The following PSME3IP1 variants were observed in gnomAD, a reference collection of about 807,000 sequenced individuals.
PSME3IP1 encodes proteasome activator subunit 3 interacting protein 1, also known as PSME3-interacting protein.
Under a neutral mutation model 34.1 loss-of-function variants are expected in PSME3IP1, and 13 were observed. That is an observed-to-expected ratio of 0.38 (90% confidence interval 0.25 to 0.61). The LOEUF is 0.61. PSME3IP1 is among the 20% of genes least tolerant of loss of function. The probability of loss-of-function intolerance (pLI) is 0.60; values close to 1 mark genes in which losing one functional copy is unlikely to be tolerated. For missense variants in PSME3IP1, 237 were observed against 301.4 expected (o/e 0.79, Z 1.58); for synonymous variants, 93 against 114.3 (o/e 0.81, Z 1.19).
chr16:57,185,901 A>T lies in PSME3IP1; in HGVS notation c.-96T>A, dbSNP rs1192399635. On this transcript the variant is annotated 5_prime_UTR_variant, in exon 1 of 7. Transcript: ENST00000309137. Reference sequence around the variant, plus strand: ...GCCACCGCAGAGCCGCTCGCTCTTAAAAAAGAAAAAAAAATGAAAGGAAGA... The same window carrying T: ...GCCACCGCAGAGCCGCTCGCTCTTATAAAAGAAAAAAAAATGAAAGGAAGA... The T allele has an allele frequency of 1.0e-6, 1 of 985,244 alleles. No individual in the cohort carries two copies. The highest frequency in any genetic ancestry group is 1.2e-6 in the Non-Finnish European group (1 of 829,938). 61.0% of individuals were successfully genotyped at this position (985,244 alleles called of 1,614,324 possible). A position where few individuals can be genotyped will look rare whatever the true frequency, so the allele number is the denominator to read the frequency against.
Position 57,178,786 on chromosome 16 carries a change from T to C in PSME3IP1, c.-15-4917A>G, listed in dbSNP as rs923965278. 2.3e-5 allele frequency: 23 copies of C among 985,348 alleles called. No individual in the cohort carries two copies. The Admixed American group carries it at 7.4e-4, about 32-fold the overall frequency. The allele number at this position is 985,348 out of a possible 1,614,324, so 61.0% of individuals were successfully genotyped here. A position where few individuals can be genotyped will look rare whatever the true frequency, so the allele number is the denominator to read the frequency against. ...ATTTCAACTGATTAAAAATGGTCAC[T>C]TATCCTGCGAAAGCAGTACTTGATG... On this transcript the variant is annotated intron_variant, in intron 1 of 6. Transcript: ENST00000309137.
intron 6 of PSME3IP1, among the ~76,000 whole-genome samples, chr16:57,156,356 A>G (rs1002186676): frequency 1.3e-5 from 2 of 152,212 alleles, no homozygotes; most frequent in African/African-American, 2.4e-5. Flanking sequence ...ATGCACTAAC[A>G]CCTCATTTAC....
At position 57,154,369 on chromosome 16, in the gene PSME3IP1, T is replaced by C. The variant is rs755700823; in HGVS notation, c.686A>G (p.Asp229Gly). The change falls in exon 7 of 7, where the codon GAC becomes GGC. Residue 229 changes from aspartate (D) to glycine (G), a missense_variant. By Grantham distance (94) the Asp-to-Gly change is moderately conservative. Transcript: ENST00000309137. This position sits in a 1 kb window ranked among gnomAD's most constrained non-coding sequence, Gnocchi z 4.0. ...SGSSDSESSS[D>G]SEGTINATGK... ...GGTGGCATTGATGGTGCCTTCGCTG[T>C]CTGAGCTGGACTCGGAGTCGCTGCT... is the stretch of plus-strand genomic sequence containing the variant. 1 of 1,614,030 alleles carries C rather than the reference T, an allele frequency of 6.2e-7. No individual in the cohort carries two copies. Among genetic ancestry groups the C allele is most frequent in the South Asian group, 1.1e-5 (1 of 91,074 alleles).
At position 57,154,866 on chromosome 16, in the gene PSME3IP1, G is replaced by A. The variant is rs74427276; in HGVS notation, c.548-359C>T. On this transcript the variant is annotated intron_variant, in intron 6 of 6. Coordinates refer to ENST00000309137, the MANE Select transcript of PSME3IP1 (RefSeq NM_024946.4). This position sits in a 1 kb window ranked among gnomAD's most constrained non-coding sequence, Gnocchi z 4.0. ...TTGATTTCCCTGTGCTCACACAGCC[G>A]TGAGAATCTGAAAACAGATTAAGAG... 0.037 allele frequency among the ~76,000 whole-genome samples: 5,659 copies of A among 152,246 alleles called. 296 individuals are homozygous for A. Among genetic ancestry groups the A allele is most frequent in the East Asian group, 0.23 (1,171 of 5,176 alleles).
chr16:57,154,337 T>C lies in PSME3IP1; in HGVS notation c.718A>G (p.Ile240Val), dbSNP rs776836330. Residue 240 changes from isoleucine to valine, a missense_variant, in exon 7 of 7, where the codon ATT becomes GTT. By Grantham distance (29) the Ile-to-Val change is conservative. Coordinates refer to ENST00000309137, the MANE Select transcript of PSME3IP1 (RefSeq NM_024946.4). This position sits in a 1 kb window ranked among gnomAD's most constrained non-coding sequence, Gnocchi z 4.0. ...SEGTINATGK[I>V]VSSIFRTNTF... ...TTGGTTCGGAAGATGGAGGAGACAA[T>C]CTTTCCGGTGGCATTGATGGTGCCT... 6.2e-7 allele frequency: 1 copy of C among 1,613,878 alleles called. No homozygotes were observed. The highest frequency in any genetic ancestry group is 8.5e-7 in the Non-Finnish European group (1 of 1,179,986).
chr16:57,173,773 T>A lies in PSME3IP1; in HGVS notation c.82A>T (p.Arg28Trp), dbSNP rs754949848. The change falls in exon 2 of 7, where the codon AGG becomes TGG. Residue 28 changes from arginine (R) to tryptophan (W), a missense_variant. Physicochemically the swap from Arg to Trp is moderately radical, Grantham distance 101 (BLOSUM62 -3). Coordinates refer to ENST00000309137, the MANE Select transcript of PSME3IP1 (RefSeq NM_024946.4). Reference protein sequence around the residue: ...EAELDERRKRRQEEWEKVRKP... With the variant: ...EAELDERRKRWQEEWEKVRKP... ...CGAACTTTCTCCCATTCTTCTTGCC[T>A]CCTTTTGCGCCGTTCATCTAGTTCT... 7 of 1,614,156 alleles carry A rather than the reference T, an allele frequency of 4.3e-6. No homozygotes were observed. The highest frequency in any genetic ancestry group is 5.9e-6 in the Non-Finnish European group (7 of 1,180,026).
At chr16:57,170,332 C>T (rs1386742365) in intron 4 of PSME3IP1, among the ~76,000 whole-genome samples, 1 of 152,212 alleles carries the variant, frequency 6.6e-6, no homozygotes, top group African/African-American at 2.4e-5. Context: ...ATCCTCCTGC[C>T]TCGGCCTCCC....
chr16:57,182,032 G>T (rs1386737940), intron 1 of PSME3IP1, among the ~76,000 whole-genome samples: 1 of 152,136 alleles, frequency 6.6e-6, no homozygotes, highest in Admixed American at 6.5e-5. Flanking sequence ...CCAGAGGTTG[G>T]ACATTGGTTG....
chr16:57,177,278 C>G (rs1433722593), intron 1 of PSME3IP1, among the ~76,000 whole-genome samples: 1 of 151,952 alleles, frequency 6.6e-6, no homozygotes, highest in Admixed American at 6.6e-5. Flanking sequence ...GCCTCCTGGG[C>G]TCAAGCAGTT....
At position 57,152,715 on chromosome 16, in the gene PSME3IP1, G is replaced by A. The variant is rs1355182931; in HGVS notation, c.*1575C>T. On this transcript the variant is annotated 3_prime_UTR_variant, in exon 7 of 7. Coordinates refer to ENST00000309137, the MANE Select transcript of PSME3IP1 (RefSeq NM_024946.4). ...ACAATGAAGCAGAGAAGCAGAAGGT[G>A]CCTACAAAGTTTTACCTAAATGTCT... 6.5e-6 allele frequency: 1 copy of A among 152,686 alleles called. No individual in the cohort carries two copies. The highest frequency in any genetic ancestry group is 1.5e-5 in the Non-Finnish European group (1 of 68,052). The allele number at this position is 152,686 out of a possible 1,614,324, so 9.5% of individuals were successfully genotyped here.
chr16:57,160,814 T>C (rs539232998), intron 6 of PSME3IP1, among the ~76,000 whole-genome samples: 4 of 152,310 alleles, frequency 2.6e-5, no homozygotes, highest in Admixed American at 6.5e-5. Flanking sequence ...AATGAAAGTA[T>C]GAAAACAGTA....
intron 6 of PSME3IP1, among the ~76,000 whole-genome samples, chr16:57,158,835 T>C (rs1468972176): frequency 1.3e-5 from 2 of 152,228 alleles, no homozygotes; most frequent in African/African-American, 2.4e-5. Flanking sequence ...ACATGGTATA[T>C]AGCCTATTGC....
chr16:57,183,419 A>G (rs1392056371), intron 1 of PSME3IP1, among the ~76,000 whole-genome samples: 1 of 151,820 alleles, frequency 6.6e-6, no homozygotes, highest in Non-Finnish European at 1.5e-5. Context: ...TGCAACCTCC[A>G]CCTCCCAGGT....
At chr16:57,157,555 TG>T (rs1260358272) in intron 6 of PSME3IP1, among the ~76,000 whole-genome samples, 2 of 151,662 alleles carry the variant, frequency 1.3e-5, no homozygotes, top group Non-Finnish European at 2.9e-5. Flanking sequence ...GGCTGGAAAA[TG>T]GGGGAGACTT....
chr16:57,183,872 C>T (rs2073935347), intron 1 of PSME3IP1, among the ~76,000 whole-genome samples: 1 of 152,038 alleles, frequency 6.6e-6, no homozygotes, highest in Non-Finnish European at 1.5e-5. Flanking sequence ...AATCTTGTGC[C>T]CAAAAGAACT....
chr16:57,162,806 T>C (rs1300641458), intron 6 of PSME3IP1, among the ~76,000 whole-genome samples: 2 of 151,918 alleles, frequency 1.3e-5, no homozygotes, highest in African/African-American at 4.8e-5. Context: ...TTATCCATAA[T>C]AAAGCATTTA....
chr16:57,152,806 A>T lies in PSME3IP1; in HGVS notation c.*1484T>A, dbSNP rs1305993429. On this transcript the variant is annotated 3_prime_UTR_variant, in exon 7 of 7. Transcript: ENST00000309137. ...CAATTAGCACAGAGTAGTTCTGAAA[A>T]GGAGGAAGAATTCACAAAGCATCAG... 1 of 152,684 alleles carries T rather than the reference A, an allele frequency of 6.5e-6. No homozygotes were observed. The highest frequency in any genetic ancestry group is 1.5e-5 in the Non-Finnish European group (1 of 68,060). 9.5% of individuals were successfully genotyped at this position (152,684 alleles called of 1,614,324 possible).
In PSME3IP1 at chr16:57,153,400, G is replaced by T. The variant is rs890465184; in HGVS notation, c.*890C>A. On this transcript the variant is annotated 3_prime_UTR_variant, in exon 7 of 7. Transcript: ENST00000309137. ...GGCCTCAATAGAATGGTCACAATAT[G>T]CAAGTGTGTCCCACTCATTTACAAT... 1.3e-5 allele frequency: 2 copies of T among 152,206 alleles called. No homozygotes were observed. Among genetic ancestry groups the T allele is most frequent in the African/African-American group, 4.8e-5 (2 of 41,448 alleles). The allele number at this position is 152,206 out of a possible 1,614,324, so 9.4% of individuals were successfully genotyped here. A position where few individuals can be genotyped will look rare whatever the true frequency, so the allele number is the denominator to read the frequency against.
intron 4 of PSME3IP1, among the ~76,000 whole-genome samples, chr16:57,171,253 G>C (rs1363182250): frequency 1.3e-5 from 2 of 152,124 alleles, no homozygotes; most frequent in African/African-American, 4.8e-5. Context: ...CAGAAAGCAT[G>C]GTGAAAGAGA....
Sources: allele counts gnomAD v4.1 joint callset (sites outside exome capture counted in the v4.1 genomes callset), GRCh38; gene constraint gnomAD v4.1.1; non-coding constraint Gnocchi (gnomAD v3.1); transcripts MANE v1.5; gene names NCBI Gene and HGNC (gene_info 2026-07-23, HGNC 2026-07-21).